HLCS: variants seen among roughly 807,000 people sequenced by gnomAD.
HLCS encodes biotin--protein ligase.
A neutral mutation model predicts 75.0 loss-of-function variants in HLCS; 53 were observed. The ratio of observed to expected loss-of-function variants is 0.71; its 90% CI spans 0.57 to 0.89. HLCS has a LOEUF of 0.89. Among genes scored for constraint, HLCS ranks in the 40% least tolerant of loss-of-function variants. The pLI is 0.00. For synonymous variants in HLCS, 431 were observed against 428.6 expected (o/e 1.01, Z -0.07); for missense variants, 966 against 1,074.0 (o/e 0.90, Z 1.41).
chr21:36,960,009 C>A (rs973330912), intron 2 of HLCS, among the ~76,000 whole-genome samples: 1 of 152,226 alleles, frequency 6.6e-6, no homozygotes. Flanking sequence ...TGGGGCTCTG[C>A]GGTTCCCAGC....
chr21:36,852,169 T>C lies in HLCS; in HGVS notation c.1892+44691A>G, dbSNP rs761520583. 4 of 152,276 alleles carry C rather than the reference T, an allele frequency of 2.6e-5. No individual in the cohort carries two copies. The South Asian group carries it at 6.2e-4, about 24-fold the overall frequency. The allele number at this position is 152,276 out of a possible 1,614,324, so 9.4% of individuals were successfully genotyped here. A position where few individuals can be genotyped will look rare whatever the true frequency, so the allele number is the denominator to read the frequency against. Reference sequence around the variant, plus strand: ...TGCCATTCGTTCTCACATGGAATTCTTTCATGAAGATCCCAAAGAAATTCC... The same window carrying C: ...TGCCATTCGTTCTCACATGGAATTCCTTCATGAAGATCCCAAAGAAATTCC... On this transcript the variant is annotated intron_variant, in intron 6 of 10. Transcript: ENST00000674895.
chr21:36,899,619 T>C lies in HLCS; in HGVS notation c.1621-2488A>G, dbSNP rs114327751. 9.4e-3 allele frequency among the ~76,000 whole-genome samples: 1,429 copies of C among 151,984 alleles called. 14 individuals carry two copies. The highest frequency in any genetic ancestry group is 0.029 in the African/African-American group (1,208 of 41,462). On this transcript the variant is annotated intron_variant, in intron 5 of 10. Transcript: ENST00000674895. ...AGCCTGGAGACAGAGCAAAACTGCA[T>C]CTCAAATAATAATAATAATGAATTC... is the stretch of plus-strand genomic sequence containing the variant.
chr21:36,976,062 T>C (rs940456451), intron 1 of HLCS, among the ~76,000 whole-genome samples: 4 of 152,176 alleles, frequency 2.6e-5, no homozygotes, highest in African/African-American at 9.7e-5. Context: ...AGTCCTTCTC[T>C]GGATAAACTA....
rs1283246670 is a variant in HLCS at position 36,750,859 on chromosome 21, G to T, written c.*3387C>A. The T allele has an allele frequency of 6.6e-6, 1 of 151,480 alleles. No individual in the cohort carries two copies. Among genetic ancestry groups the T allele is most frequent in the Non-Finnish European group, 1.5e-5 (1 of 67,914 alleles). The allele number at this position is 151,480 out of a possible 1,614,324, so 9.4% of individuals were successfully genotyped here. Reference sequence around the variant, plus strand: ...GTCAAGTCAAGAAGTTTCCACAAAAGAAAAGAAAAATCCTAAAAACAATCT... The same window carrying T: ...GTCAAGTCAAGAAGTTTCCACAAAATAAAAGAAAAATCCTAAAAACAATCT... On this transcript the variant is annotated 3_prime_UTR_variant, in exon 11 of 11. Transcript: ENST00000674895.
chr21:36,784,811 A>G (rs2060639310), intron 6 of HLCS, among the ~76,000 whole-genome samples: 1 of 152,108 alleles, frequency 6.6e-6, no homozygotes, highest in South Asian at 2.1e-4. Flanking sequence ...GGCCAAGTTC[A>G]TCAGTTCTGT....
Position 36,990,170 on chromosome 21 carries a change from A to G in HLCS, c.-405T>C, listed in dbSNP as rs117476389. The G allele has an allele frequency of 0.26, 39,599 of 152,262 alleles. 5,298 individuals are homozygous for G. The highest frequency in any genetic ancestry group is 0.35 in the South Asian group (1,742 of 4,924). 9.4% of individuals were successfully genotyped at this position (152,262 alleles called of 1,614,324 possible). A position where few individuals can be genotyped will look rare whatever the true frequency, so the allele number is the denominator to read the frequency against. Reference sequence around the variant, plus strand: ...CGCCCCGACTTACTTCTGAGGCCGAAACGCGGCCGCTCCTGCGCCGGGTGG... The same window carrying G: ...CGCCCCGACTTACTTCTGAGGCCGAGACGCGGCCGCTCCTGCGCCGGGTGG... On this transcript the variant is annotated 5_prime_UTR_variant, in exon 1 of 12. Coordinates refer to the HLCS transcript ENST00000336648.
chr21:36,858,783 G>A (rs774549871), intron 6 of HLCS, among the ~76,000 whole-genome samples: 2 of 152,204 alleles, frequency 1.3e-5, no homozygotes, highest in Admixed American at 6.5e-5. Context: ...GCAGCTGTGC[G>A]GGGCAAGTGC....
At position 36,754,147 on chromosome 21, in the gene HLCS, C is replaced by T; in HGVS notation, c.*99G>A. ...ACACAGAAAAAGAACAAAGACTTAA[C>T]AAATGAATTGGAGGAAAAGAAAATT... On this transcript the variant is annotated 3_prime_UTR_variant, in exon 11 of 11. Transcript: ENST00000674895. The T allele has an allele frequency of 8.2e-7, 1 of 1,212,814 alleles. No individual in the cohort carries two copies. The highest frequency in any genetic ancestry group is 1.2e-6 in the Non-Finnish European group (1 of 842,152). The allele number at this position is 1,212,814 out of a possible 1,614,324, so 75.1% of individuals were successfully genotyped here.
intron 6 of HLCS, among the ~76,000 whole-genome samples, chr21:36,854,795 A>C (rs79247690): frequency 0.013 from 1,989 of 152,348 alleles, 39 homozygotes; most frequent in African/African-American, 0.045. Flanking sequence ...CTATTAAAAC[A>C]AATTTTTAAT....
chr21:36,831,092 C>T (rs10154239), intron 6 of HLCS, among the ~76,000 whole-genome samples: 150,829 of 152,256 alleles, frequency 0.99, 74,714 homozygotes, highest in East Asian at 1. Context: ...ATAATCTTTT[C>T]GGAGGGTTTT....
rs573022923 is a variant in HLCS at position 36,913,806 on chromosome 21, T to C, written c.1620+16445A>G. ...TGTGAACCTTGAAGCTACCACCCAC[T>C]AGCTGTGCCTACTTAGACAAGGCTG... On this transcript the variant is annotated intron_variant, in intron 5 of 10. Coordinates refer to ENST00000674895, the MANE Select transcript of HLCS (RefSeq NM_001352514.2). 1.6e-4 allele frequency among the ~76,000 whole-genome samples: 24 copies of C among 152,296 alleles called. 1 individual carries two copies. The South Asian group carries it at 5.0e-3, about 32-fold the overall frequency.
intron 5 of HLCS, among the ~76,000 whole-genome samples, chr21:36,919,894 G>A (rs1345735465): frequency 6.6e-6 from 1 of 152,320 alleles, no homozygotes; most frequent in East Asian, 1.9e-4. Context: ...CAAAGGAACT[G>A]CTTAAAAAGT....
chr21:36,929,157 C>T (rs2066527822), intron 5 of HLCS, among the ~76,000 whole-genome samples: 2 of 152,206 alleles, frequency 1.3e-5, no homozygotes. Flanking sequence ...CTACTCTGTC[C>T]AAGAGTCCGG....
intron 6 of HLCS, among the ~76,000 whole-genome samples, chr21:36,776,284 G>C (rs2060354852): frequency 6.6e-6 from 1 of 152,154 alleles, no homozygotes; most frequent in Non-Finnish European, 1.5e-5. Flanking sequence ...TGAACCAGTT[G>C]AGAGTGAGCT....
intron 6 of HLCS, among the ~76,000 whole-genome samples, chr21:36,874,900 C>A (rs2063909500): frequency 6.6e-6 from 1 of 152,162 alleles, no homozygotes; most frequent in Non-Finnish European, 1.5e-5. Context: ...TCCCTGCAGG[C>A]TTGGAAGTGC....
intron 4 of HLCS, among the ~76,000 whole-genome samples, chr21:36,934,952 T>G (rs2066811745): frequency 6.6e-6 from 1 of 152,234 alleles, no homozygotes; most frequent in Non-Finnish European, 1.5e-5. Flanking sequence ...TGCATCATAT[T>G]GCCTTTTTTT....
At chr21:36,977,448 C>T (rs1473909652) in intron 1 of HLCS, among the ~76,000 whole-genome samples, 5 of 152,228 alleles carry the variant, frequency 3.3e-5, no homozygotes, top group Non-Finnish European at 7.3e-5. Context: ...ATATGTTCAT[C>T]ATTGTCTTCC....
chr21:36,770,998 T>C (rs1030693692), intron 6 of HLCS, among the ~76,000 whole-genome samples: 11 of 152,078 alleles, frequency 7.2e-5, no homozygotes, highest in African/African-American at 2.7e-4. Flanking sequence ...GGCAGGCGGA[T>C]CACGAGGTCA....
intron 5 of HLCS, among the ~76,000 whole-genome samples, chr21:36,914,782 C>T (rs1027644572): frequency 2.6e-5 from 4 of 152,216 alleles, no homozygotes; most frequent in Non-Finnish European, 5.9e-5. Context: ...CAATGAGAGA[C>T]GCGAACTTCC....
Sources: allele counts gnomAD v4.1 joint callset (sites outside exome capture counted in the v4.1 genomes callset), GRCh38; gene constraint gnomAD v4.1.1; transcripts MANE v1.5; gene names NCBI Gene and HGNC (gene_info 2026-07-23, HGNC 2026-07-21).